The following PCDH15 variants were observed in gnomAD, a reference collection of about 807,000 sequenced individuals.
PCDH15 encodes protocadherin-15.
A neutral mutation model predicts 178.5 loss-of-function variants in PCDH15; 129 were observed. The ratio of observed to expected loss-of-function variants is 0.72; its 90% CI spans 0.63 to 0.84. The LOEUF is 0.84. Ranked by LOEUF, PCDH15 falls within the 40% of genes least tolerant of loss-of-function variation. The pLI, the probability that PCDH15 is intolerant of heterozygous loss-of-function variation, is 0.00. For missense variants in PCDH15, 2,230 were observed against 2,099.9 expected (o/e 1.06, Z -1.21); for synonymous variants, 800 against 732.0 (o/e 1.09, Z -1.50).
chr10:53,898,699 A>T (rs2082129244), intron 26 of PCDH15, among the ~76,000 whole-genome samples: 1 of 152,008 alleles, frequency 6.6e-6, no homozygotes, highest in Non-Finnish European at 1.5e-5. Context: ...TCCTCAGGAG[A>T]CCTCCCTTAA....
chr10:54,023,635 CATT>C (rs1025535064), intron 18 of PCDH15, among the ~76,000 whole-genome samples: 5 of 148,836 alleles, frequency 3.4e-5, no homozygotes, highest in African/African-American at 1.2e-4. Context: ...TAATGTTACA[CATT>C]ATGTTTGTTT....
intron 2 of PCDH15, among the ~76,000 whole-genome samples, chr10:55,433,476 T>C (rs567826533): frequency 1.5e-4 from 23 of 152,260 alleles, no homozygotes; most frequent in African/African-American, 5.1e-4. Flanking sequence ...GGTACTATGC[T>C]TATTACCTGG....
At chr10:53,918,713 AACACACACACACACACACACACAC>A (rs5741702) in intron 25 of PCDH15, among the ~76,000 whole-genome samples, 13,123 of 147,042 alleles carry the variant, frequency 0.089, 641 homozygotes, top group East Asian at 0.12. Flanking sequence ...CAAATACACA[AACACACACACACACACACACACAC>A]ACACACACAC....
chr10:54,293,784 G>A (rs886726203), intron 8 of PCDH15, among the ~76,000 whole-genome samples: 1 of 152,142 alleles, frequency 6.6e-6, no homozygotes, highest in Non-Finnish European at 1.5e-5. Context: ...TCTCACACCA[G>A]TTAGAATGAC....
chr10:54,433,031 C>T (rs897921205), intron 3 of PCDH15, among the ~76,000 whole-genome samples: 1 of 152,006 alleles, frequency 6.6e-6, no homozygotes, highest in Admixed American at 6.6e-5. Context: ...TATCATCTTA[C>T]ACCAGTTAAA....
At chr10:55,368,465 T>C (rs1220561925) in intron 2 of PCDH15, among the ~76,000 whole-genome samples, 1 of 152,228 alleles carries the variant, frequency 6.6e-6, no homozygotes, top group East Asian at 1.9e-4. Context: ...TAAGAAACTC[T>C]GACACTCTAG....
At chr10:54,992,817 T>A (rs1368642525) in intron 2 of PCDH15, among the ~76,000 whole-genome samples, 1 of 151,988 alleles carries the variant, frequency 6.6e-6, no homozygotes, top group Non-Finnish European at 1.5e-5. Context: ...ATGGAGAGAT[T>A]TCCTTGCTAG....
intron 2 of PCDH15, chr10:54,655,172 C>A (rs980640960): frequency 6.6e-6 from 1 of 150,652 alleles, no homozygotes; most frequent in African/African-American, 2.5e-5. Flanking sequence ...GATCGCGCCA[C>A]TGCACTCCAG....
At chr10:55,293,311 G>T (rs1401690168) in intron 1 of PCDH15, among the ~76,000 whole-genome samples, 1 of 152,142 alleles carries the variant, frequency 6.6e-6, no homozygotes, top group Non-Finnish European at 1.5e-5. Context: ...AAACCATTTT[G>T]TCCTCTTAGG....
intron 26 of PCDH15, among the ~76,000 whole-genome samples, chr10:53,868,600 CATA>C (rs1175939093): frequency 6.6e-6 from 1 of 152,034 alleles, no homozygotes; most frequent in African/African-American, 2.4e-5. Flanking sequence ...TGAAAGACTA[CATA>C]ATAAGTAGTA....
At chr10:54,590,873 G>A (rs998709926) in intron 2 of PCDH15, among the ~76,000 whole-genome samples, 4 of 151,746 alleles carry the variant, frequency 2.6e-5, no homozygotes, top group East Asian at 3.9e-4. Flanking sequence ...AAAAAAAACC[G>A]AGACACAAAA....
intron 3 of PCDH15, among the ~76,000 whole-genome samples, chr10:54,876,243 GAAA>G (rs1217873823): frequency 6.6e-6 from 1 of 152,158 alleles, no homozygotes; most frequent in African/African-American, 2.4e-5. Flanking sequence ...CTACTTCACA[GAAA>G]AAAAAATTTT....
At chr10:53,807,162 T>C (rs1841233729) in intron 37 of PCDH15, 32 bp from the exon 38 acceptor site, 1 of 1,495,630 alleles carries the variant, frequency 6.7e-7, no homozygotes, top group Non-Finnish European at 9.0e-7. Flanking sequence ...TGTGAGTCAC[T>C]ATCAAATAAA....
intron 2 of PCDH15, among the ~76,000 whole-genome samples, chr10:55,401,237 A>G (rs16907356): frequency 0.013 from 2,052 of 152,192 alleles, 43 homozygotes; most frequent in African/African-American, 0.046. Flanking sequence ...ACAAAGAGAT[A>G]ATACCCAGGT....
chr10:55,125,926 G>T (rs1055306753), intron 2 of PCDH15, among the ~76,000 whole-genome samples: 11 of 152,054 alleles, frequency 7.2e-5, no homozygotes, highest in Non-Finnish European at 1.5e-4. Flanking sequence ...GCTAAACGGT[G>T]TTCTTTACCC....
Position 55,179,897 on chromosome 10 carries a change from C to A in PCDH15, c.-155-13246G>T, listed in dbSNP as rs527607431. The stretch of plus-strand genomic sequence containing the variant: ...CTGAACTACGGGAGTGAAAAACCTG[C>A]AACAGTAGCAGTAAGAATCTCTCAG... On this transcript the variant is annotated intron_variant, in intron 1 of 5. Transcript: ENST00000458638. Among the ~76,000 whole-genome samples the A allele has an allele frequency of 6.6e-5, 10 of 152,056 alleles. No individual in the cohort carries two copies. In the South Asian group the frequency reaches 1.2e-3, roughly 19 times the overall value.
chr10:55,066,791 A>C (rs1841577072), intron 2 of PCDH15, among the ~76,000 whole-genome samples: 1 of 150,730 alleles, frequency 6.6e-6, no homozygotes, highest in Non-Finnish European at 1.5e-5. Flanking sequence ...TTTTATTTTA[A>C]TTTATTAATT....
chr10:55,173,787 C>A (rs147258767), intron 1 of PCDH15, among the ~76,000 whole-genome samples: 7 of 151,968 alleles, frequency 4.6e-5, no homozygotes, highest in African/African-American at 1.4e-4. Flanking sequence ...TTTTCCTTTG[C>A]GTTTTTTCTT....
chr10:54,831,934 A>G (rs1165214993), intron 3 of PCDH15, among the ~76,000 whole-genome samples: 3 of 152,148 alleles, frequency 2.0e-5, no homozygotes, highest in South Asian at 2.1e-4. Flanking sequence ...AAATAAAATA[A>G]TAAATCATAA....
Sources: gnomAD v4.1 joint callset for allele counts (sites outside exome capture counted in the v4.1 genomes callset) on GRCh38, gnomAD v4.1.1 for gene constraint, MANE v1.5 for transcripts, NCBI Gene and HGNC (gene_info 2026-07-23, HGNC 2026-07-21) for gene names.